The following GRM1 variants were observed in gnomAD, a reference collection of about 807,000 sequenced individuals.
The protein encoded by GRM1 is glutamate metabotropic receptor 1, also known as metabotropic glutamate receptor 1.
In GRM1, 33 loss-of-function variants were observed where a neutral mutation model predicts 90.9. That is an observed-to-expected ratio of 0.36 (90% CI 0.28 to 0.49). The LOEUF is 0.49. Among genes scored for constraint, GRM1 ranks in the 20% least tolerant of loss-of-function variants. The pLI, the probability that GRM1 is intolerant of heterozygous loss-of-function variation, is 0.99. For missense variants in GRM1, 1,190 were observed against 1,534.3 expected (o/e 0.78, Z 3.75); for synonymous variants, 700 against 613.2 (o/e 1.14, Z -2.09).
chr6:146,135,946 C>A (rs1177843865), intron 1 of GRM1, among the ~76,000 whole-genome samples: 1 of 152,130 alleles, frequency 6.6e-6, no homozygotes, highest in Non-Finnish European at 1.5e-5. Flanking sequence ...CCCTTCCCAG[C>A]CTCTGGGAAC....
At chr6:146,330,730 A>G (rs539412758) in intron 3 of GRM1, among the ~76,000 whole-genome samples, 52 of 152,298 alleles carry the variant, frequency 3.4e-4, no homozygotes, top group African/African-American at 1.1e-3. Flanking sequence ...GAAAACTAAC[A>G]GGGCTTAATA....
At chr6:146,384,523 TCAAA>T (rs534009077) in intron 5 of GRM1, among the ~76,000 whole-genome samples, 46 of 152,186 alleles carry the variant, frequency 3.0e-4, no homozygotes, top group Admixed American at 1.2e-3. Flanking sequence ...AACTGCATGC[TCAAA>T]CAAAGTCCAA....
chr6:146,295,554 C>T (rs778735763), intron 2 of GRM1, among the ~76,000 whole-genome samples: 4 of 152,050 alleles, frequency 2.6e-5, no homozygotes, highest in Non-Finnish European at 5.9e-5. Flanking sequence ...TTAACTATTC[C>T]ATATCACTAT....
At chr6:146,118,253 C>A (rs2128876277) in intron 1 of GRM1, among the ~76,000 whole-genome samples, 1 of 150,488 alleles carries the variant, frequency 6.6e-6, no homozygotes, top group African/African-American at 2.4e-5. Context: ...CATTCTCCTG[C>A]CTCAGCCTCC....
chr6:146,192,645 T>C (rs975282278), intron 2 of GRM1, among the ~76,000 whole-genome samples: 9 of 152,210 alleles, frequency 5.9e-5, no homozygotes, highest in Non-Finnish European at 1.3e-4. Flanking sequence ...ATTCTTACTC[T>C]TTCTAAACCA....
At chr6:146,052,155 A>G (rs907777455) in intron 1 of GRM1, among the ~76,000 whole-genome samples, 2 of 152,114 alleles carry the variant, frequency 1.3e-5, no homozygotes, top group East Asian at 1.9e-4. Flanking sequence ...TGAGGAAAAC[A>G]TGTTCTTTAT....
chr6:146,198,897 T>C (rs58087092), intron 2 of GRM1, among the ~76,000 whole-genome samples: 16,786 of 152,190 alleles, frequency 0.11, 1,869 homozygotes, highest in African/African-American at 0.28. Flanking sequence ...GAGCAAAGGA[T>C]AGTGACTTTC....
intron 2 of GRM1, among the ~76,000 whole-genome samples, chr6:146,165,805 G>A (rs185622810): frequency 1.2e-4 from 19 of 152,250 alleles, no homozygotes; most frequent in Admixed American, 3.9e-4. Context: ...AACAGGTATC[G>A]TGTGTATAGA....
intron 1 of GRM1, among the ~76,000 whole-genome samples, chr6:146,153,855 A>G (rs1323338152): frequency 6.6e-6 from 1 of 152,242 alleles, no homozygotes; most frequent in African/African-American, 2.4e-5. Flanking sequence ...ATTGGGACAA[A>G]CATTTCATGA....
chr6:146,316,160 T>C (rs990918692), intron 3 of GRM1, among the ~76,000 whole-genome samples: 4 of 152,186 alleles, frequency 2.6e-5, no homozygotes, highest in Non-Finnish European at 5.9e-5. Context: ...GGAGAGAATG[T>C]TCCCTTGCTT....
chr6:146,234,888 A>G (rs1421839581), intron 2 of GRM1, among the ~76,000 whole-genome samples: 2 of 152,028 alleles, frequency 1.3e-5, no homozygotes, highest in Non-Finnish European at 2.9e-5. Context: ...GACTACAAGC[A>G]TGGGCCACCA....
At chr6:146,209,055 C>A (rs1276929632) in intron 2 of GRM1, among the ~76,000 whole-genome samples, 3 of 152,012 alleles carry the variant, frequency 2.0e-5, no homozygotes, top group Admixed American at 2.0e-4. Context: ...TTCCTGACAG[C>A]AAACCTATAA....
intron 1 of GRM1, among the ~76,000 whole-genome samples, chr6:146,067,105 T>G (rs943388239): frequency 6.6e-5 from 10 of 152,210 alleles, no homozygotes; most frequent in South Asian, 2.1e-4. Flanking sequence ...ATTGAACTGG[T>G]GAGTTTCTGT....
chr6:146,102,774 A>T (rs1777093217), intron 1 of GRM1, among the ~76,000 whole-genome samples: 1 of 152,160 alleles, frequency 6.6e-6, no homozygotes, highest in Non-Finnish European at 1.5e-5. Context: ...TCATACAAGT[A>T]CTCACTTACT....
intron 2 of GRM1, among the ~76,000 whole-genome samples, chr6:146,286,772 A>G (rs1456815276): frequency 3.3e-5 from 5 of 152,238 alleles, no homozygotes; most frequent in African/African-American, 4.8e-5. Context: ...TCCACAAGTT[A>G]CAAAAGAACC....
chr6:146,140,089 T>TATTC (rs1554272159), intron 1 of GRM1, among the ~76,000 whole-genome samples: 10 of 64,168 alleles, frequency 1.6e-4, no homozygotes, highest in South Asian at 6.6e-4. Flanking sequence ...TTTCTTTCTT[T>TATTC]ATTCTTTCTT....
At chr6:146,324,203 A>G (rs1583326013) in intron 3 of GRM1, among the ~76,000 whole-genome samples, 1 of 152,036 alleles carries the variant, frequency 6.6e-6, no homozygotes, top group South Asian at 2.1e-4. Flanking sequence ...GGAGGGGAAA[A>G]CCACCTACTG....
intron 5 of GRM1, among the ~76,000 whole-genome samples, chr6:146,377,733 G>C (rs1379126978): frequency 2.0e-5 from 3 of 152,138 alleles, no homozygotes; most frequent in Non-Finnish European, 4.4e-5. Flanking sequence ...TACCTTTAGG[G>C]CAGCCCCTCC....
At chr6:146,392,340 G>A (rs1156822437) in intron 6 of GRM1, among the ~76,000 whole-genome samples, 1 of 152,042 alleles carries the variant, frequency 6.6e-6, no homozygotes, top group Admixed American at 6.6e-5. Flanking sequence ...GCTTGCACCT[G>A]GTTATCTCTT....
Sources: gnomAD v4.1 joint callset for allele counts (sites outside exome capture counted in the v4.1 genomes callset) on GRCh38, gnomAD v4.1.1 for gene constraint, MANE v1.5 for transcripts, NCBI Gene and HGNC (gene_info 2026-07-23, HGNC 2026-07-21) for gene names.